LAMA2: variants seen among roughly 807,000 people sequenced by gnomAD.
LAMA2 encodes laminin subunit alpha-2.
LAMA2 carries 269 observed loss-of-function variants against 364.8 expected under a neutral mutation model. The observed-to-expected ratio is 0.74, with a 90% CI of 0.67 to 0.82. The LOEUF is 0.82. LAMA2 is among the 40% of genes least tolerant of loss of function. The probability of loss-of-function intolerance (pLI) is 0.00; values close to 1 mark genes in which losing one functional copy is unlikely to be tolerated. For missense variants in LAMA2, 3,807 were observed against 3,873.2 expected, an observed-to-expected ratio of 0.98 and a Z score of 0.45; for synonymous variants, 1,379 against 1,370.6, an observed-to-expected ratio of 1.01 and a Z score of -0.14.
At chr6:129,430,258 T>C (rs578197149) in intron 41 of LAMA2, among the ~76,000 whole-genome samples, 3 of 152,290 alleles carry the variant, frequency 2.0e-5, no homozygotes, top group Admixed American at 1.3e-4. Context: ...TTTCTCTCTC[T>C]ATGGTGCCTG....
At chr6:129,130,938 A>G (rs967017373) in intron 4 of LAMA2, among the ~76,000 whole-genome samples, 1 of 152,202 alleles carries the variant, frequency 6.6e-6, no homozygotes, top group Non-Finnish European at 1.5e-5. Context: ...ACAAACAAAC[A>G]AAACAACTCT....
At chr6:129,232,164 G>C (rs1015646629) in intron 12 of LAMA2, among the ~76,000 whole-genome samples, 3 of 151,988 alleles carry the variant, frequency 2.0e-5, no homozygotes, top group African/African-American at 7.2e-5. Context: ...GTACAATATG[G>C]TCCTAATTTG....
chr6:129,323,445 T>G (rs969146620), intron 28 of LAMA2, among the ~76,000 whole-genome samples: 2 of 152,216 alleles, frequency 1.3e-5, no homozygotes, highest in Admixed American at 1.3e-4. Flanking sequence ...CTTTGCTTGT[T>G]ACCTGCACTG....
At chr6:129,497,000 GTTTAAC>G (rs1454545443) in intron 58 of LAMA2, among the ~76,000 whole-genome samples, 1 of 152,066 alleles carries the variant, frequency 6.6e-6, no homozygotes, top group Non-Finnish European at 1.5e-5. Context: ...TCTTTTGTTA[GTTTAAC>G]TTTAACTTCT....
chr6:128,901,244 A>T (rs990522398), intron 1 of LAMA2, among the ~76,000 whole-genome samples: 1 of 152,226 alleles, frequency 6.6e-6, no homozygotes, highest in African/African-American at 2.4e-5. Flanking sequence ...CAAAAATCCT[A>T]TGCTTCTCAT....
chr6:128,984,186 T>C (rs1783072546), intron 1 of LAMA2, among the ~76,000 whole-genome samples: 1 of 152,174 alleles, frequency 6.6e-6, no homozygotes, highest in Non-Finnish European at 1.5e-5. Flanking sequence ...CATAGATCAT[T>C]TAGCCACCAC....
At chr6:129,197,428 T>C (rs1781916007) in intron 12 of LAMA2, among the ~76,000 whole-genome samples, 1 of 152,214 alleles carries the variant, frequency 6.6e-6, no homozygotes, top group African/African-American at 2.4e-5. Context: ...TTTTACTCTT[T>C]CGACCAATTG....
At position 129,158,263 on chromosome 6, in the gene LAMA2, T is replaced by G; in HGVS notation, c.1206+3580T>G. 11 of 1,614,132 alleles carry G rather than the reference T, an allele frequency of 6.8e-6. No homozygotes were observed. The South Asian group carries it at 1.2e-4, about 18-fold the overall frequency. ...TCTGCCGCTATGAAACCAAGTATGT[T>G]TTCATGGCGCATTAGCACAGTTTGG... is the stretch of plus-strand genomic sequence containing the variant. On this transcript the variant is annotated intron_variant, in intron 8 of 64. Coordinates refer to ENST00000421865, the MANE Select transcript of LAMA2 (RefSeq NM_000426.4).
chr6:128,962,444 C>T (rs1047245097), intron 1 of LAMA2, among the ~76,000 whole-genome samples: 1 of 151,814 alleles, frequency 6.6e-6, no homozygotes, highest in Non-Finnish European at 1.5e-5. Flanking sequence ...TTGTGTGTCT[C>T]ACGTTTAGAG....
intron 9 of LAMA2, among the ~76,000 whole-genome samples, chr6:129,174,250 A>T (rs1348833109): frequency 1.3e-5 from 2 of 151,960 alleles, no homozygotes; most frequent in South Asian, 4.1e-4. Flanking sequence ...TTTTTATTCC[A>T]TCTAGAATTT....
At chr6:129,477,083 G>T (rs774888922) in intron 53 of LAMA2, among the ~76,000 whole-genome samples, 46 of 152,256 alleles carry the variant, frequency 3.0e-4, no homozygotes, top group Middle Eastern at 3.4e-3. Context: ...ATGCCGACTG[G>T]ACAGTTTTTA....
chr6:129,483,816 T>G (rs1784470597), intron 55 of LAMA2, among the ~76,000 whole-genome samples: 1 of 152,082 alleles, frequency 6.6e-6, no homozygotes, highest in Non-Finnish European at 1.5e-5. Context: ...CAAGCATAGA[T>G]GGAAACAGCA....
intron 28 of LAMA2, among the ~76,000 whole-genome samples, chr6:129,327,718 G>GA (rs562799430): frequency 5.3e-5 from 8 of 152,058 alleles, no homozygotes; most frequent in African/African-American, 1.9e-4. Context: ...ATTGCAAAAA[G>GA]AAAAAAATTA....
chr6:129,377,172 T>C lies in LAMA2; in HGVS notation c.4960-5950T>C, dbSNP rs182634821. On this transcript the variant is annotated intron_variant, in intron 34 of 64. Coordinates refer to ENST00000421865, the MANE Select transcript of LAMA2 (RefSeq NM_000426.4). ...TAAGGGGAGAATGCTATGTAGTAGA[T>C]TGAACTGTATAAAATATTAAAATTT... Among the ~76,000 whole-genome samples, 5 of 152,218 alleles carry C rather than the reference T, an allele frequency of 3.3e-5. No individual in the cohort carries two copies. The East Asian group carries it at 7.7e-4, about 23-fold the overall frequency.
intron 1 of LAMA2, among the ~76,000 whole-genome samples, chr6:128,966,879 G>C (rs539965122): frequency 1.3e-5 from 2 of 152,194 alleles, no homozygotes; most frequent in East Asian, 3.9e-4. Flanking sequence ...CTGGCTTTTT[G>C]TTTTTAATCT....
At chr6:129,290,245 A>G (rs1199205738) in intron 19 of LAMA2, among the ~76,000 whole-genome samples, 1 of 152,194 alleles carries the variant, frequency 6.6e-6, no homozygotes, top group Non-Finnish European at 1.5e-5. Context: ...AATGTATGAT[A>G]TGCATAAGAA....
intron 1 of LAMA2, among the ~76,000 whole-genome samples, chr6:128,917,706 T>TTCTTTC (rs1778418237): frequency 2.9e-4 from 29 of 98,388 alleles, no homozygotes; most frequent in Middle Eastern, 7.7e-3. Flanking sequence ...TTTCTTTTTT[T>TTCTTTC]TTTCTTTCTT....
intron 2 of LAMA2, among the ~76,000 whole-genome samples, chr6:129,051,166 C>A (rs1787973505): frequency 1.4e-5 from 2 of 146,650 alleles, no homozygotes; most frequent in African/African-American, 2.6e-5. Flanking sequence ...CTTCTCCTCG[C>A]TTACCTCTCT....
chr6:129,191,102 C>CG (rs1377707545), intron 11 of LAMA2, among the ~76,000 whole-genome samples: 1 of 151,946 alleles, frequency 6.6e-6, no homozygotes, highest in Admixed American at 6.6e-5. Flanking sequence ...GAAGTCTAGA[C>CG]GGGGGAATGA....
Sources: allele counts gnomAD v4.1 joint callset (sites outside exome capture counted in the v4.1 genomes callset), GRCh38; gene constraint gnomAD v4.1.1; transcripts MANE v1.5; gene names NCBI Gene and HGNC (gene_info 2026-07-23, HGNC 2026-07-21).